Variants in SLC24A3 observed in about 807,000 individuals in gnomAD.
SLC24A3 encodes the protein sodium/potassium/calcium exchanger 3.
In SLC24A3, 28 loss-of-function variants were observed where a neutral mutation model predicts 75.8. That is an observed-to-expected ratio of 0.37 (90% CI 0.27 to 0.51). The LOEUF (loss-of-function observed/expected upper bound fraction) is 0.51, where lower values mean the gene tolerates loss of function less well. Ranked by LOEUF, SLC24A3 falls within the 20% of genes least tolerant of loss-of-function variation. SLC24A3 has a pLI of 0.94. For missense variants in SLC24A3, 663 were observed against 847.8 expected, an observed-to-expected ratio of 0.78 and a Z score of 2.71; for synonymous variants, 372 against 334.1, an observed-to-expected ratio of 1.11 and a Z score of -1.24.
In SLC24A3 at chr20:19,546,182, A is replaced by AAAAAAAAAAC. The variant is rs1283634511; in HGVS notation, c.348+30624_348+30625insAAACAAAAAA. ...TCAAAAAAAAAAAAAAAAAAAAAAA[A>AAAAAAAAAAC]AAAAAACCAGGTAATCGACCTGAGC... is the stretch of plus-strand genomic sequence containing the variant. On this transcript the variant is annotated intron_variant, in intron 3 of 16. Coordinates refer to ENST00000328041, the MANE Select transcript of SLC24A3 (RefSeq NM_020689.4). Among the ~76,000 whole-genome samples, 49 of 140,312 alleles carry AAAAAAAAAAC rather than the reference A, an allele frequency of 3.5e-4. 1 individual carries two copies. Among genetic ancestry groups the AAAAAAAAAAC allele is most frequent in the Non-Finnish European group, 6.0e-4 (38 of 62,914 alleles). The allele number at this position is 140,312 out of a possible 152,430, so 92.1% of individuals were successfully genotyped here. A position where few individuals can be genotyped will look rare whatever the true frequency, so the allele number is the denominator to read the frequency against.
chr20:19,701,662 G>A (rs540850678), intron 15 of SLC24A3, among the ~76,000 whole-genome samples: 12 of 152,262 alleles, frequency 7.9e-5, no homozygotes, highest in South Asian at 2.1e-4. Context: ...TGATGAACCC[G>A]TTGGCAGTCC....
At chr20:19,419,099 C>A (rs1038699798) in intron 2 of SLC24A3, among the ~76,000 whole-genome samples, 5 of 152,174 alleles carry the variant, frequency 3.3e-5, no homozygotes, top group Non-Finnish European at 7.4e-5. Flanking sequence ...GTTCAAGTAA[C>A]CAAACAGTTG....
At chr20:19,559,757 A>ATT (rs1224378712) in intron 3 of SLC24A3, among the ~76,000 whole-genome samples, 1 of 152,052 alleles carries the variant, frequency 6.6e-6, no homozygotes, top group Non-Finnish European at 1.5e-5. Context: ...ATTATGAGAA[A>ATT]TTTTGATGCT....
intron 2 of SLC24A3, among the ~76,000 whole-genome samples, chr20:19,490,238 C>T (rs1179031765): frequency 6.6e-6 from 1 of 152,212 alleles, no homozygotes; most frequent in African/African-American, 2.4e-5. Flanking sequence ...GGTAGCATCT[C>T]TCCAATACAC....
At chr20:19,232,271 A>G (rs1396166121) in intron 1 of SLC24A3, among the ~76,000 whole-genome samples, 2 of 152,224 alleles carry the variant, frequency 1.3e-5, no homozygotes, top group Non-Finnish European at 2.9e-5. Context: ...AACATGTGAC[A>G]TTCTATTTAT....
chr20:19,639,424 C>G (rs1233343876), intron 6 of SLC24A3, among the ~76,000 whole-genome samples: 1 of 152,218 alleles, frequency 6.6e-6, no homozygotes, highest in East Asian at 1.9e-4. Flanking sequence ...TTCACAAACC[C>G]TGAGCTAGAC....
chr20:19,260,519 G>A (rs1476357987), intron 1 of SLC24A3, among the ~76,000 whole-genome samples: 1 of 152,174 alleles, frequency 6.6e-6, no homozygotes, highest in African/African-American at 2.4e-5. Flanking sequence ...GAGCTGTGTT[G>A]TATTTAGAAA....
intron 3 of SLC24A3, among the ~76,000 whole-genome samples, chr20:19,554,425 T>C (rs969342520): frequency 6.6e-6 from 1 of 152,132 alleles, no homozygotes; most frequent in Non-Finnish European, 1.5e-5. Flanking sequence ...ACAGAGTTTG[T>C]GGAGAGAAGA....
intron 3 of SLC24A3, among the ~76,000 whole-genome samples, chr20:19,576,577 C>T (rs1285936237): frequency 6.6e-6 from 1 of 152,140 alleles, no homozygotes; most frequent in African/African-American, 2.4e-5. Context: ...ATCTGGTTAA[C>T]AGTGAGCATC....
chr20:19,226,595 T>C (rs535047072), intron 1 of SLC24A3, among the ~76,000 whole-genome samples: 1 of 152,224 alleles, frequency 6.6e-6, no homozygotes, highest in Non-Finnish European at 1.5e-5. Context: ...TTTTTCTTCA[T>C]GTTACAGCAT....
At chr20:19,428,361 C>G (rs1212711410) in intron 2 of SLC24A3, among the ~76,000 whole-genome samples, 2 of 152,210 alleles carry the variant, frequency 1.3e-5, no homozygotes, top group Non-Finnish European at 2.9e-5. Flanking sequence ...CGTGTTAATA[C>G]TGTGTGTTAA....
chr20:19,567,892 G>A (rs557823183), intron 3 of SLC24A3, among the ~76,000 whole-genome samples: 8 of 152,126 alleles, frequency 5.3e-5, no homozygotes, highest in South Asian at 2.1e-4. Flanking sequence ...ATCTGATAAG[G>A]GGTTAATATC....
At chr20:19,530,813 G>A (rs1338160437) in intron 3 of SLC24A3, among the ~76,000 whole-genome samples, 2 of 152,144 alleles carry the variant, frequency 1.3e-5, no homozygotes, top group African/African-American at 4.8e-5. Flanking sequence ...GCGAGCTTGA[G>A]CACTGGGGTC....
intron 10 of SLC24A3, among the ~76,000 whole-genome samples, chr20:19,682,525 C>T (rs1473234679): frequency 6.6e-6 from 1 of 152,128 alleles, no homozygotes; most frequent in African/African-American, 2.4e-5. Context: ...CACATTTGCT[C>T]GAGTGCTGCA....
chr20:19,656,346 C>G (rs2032264990), intron 7 of SLC24A3, among the ~76,000 whole-genome samples: 1 of 151,746 alleles, frequency 6.6e-6, no homozygotes, highest in East Asian at 1.9e-4. Flanking sequence ...GTCCCTTTAT[C>G]ATTGGGAGGG....
intron 2 of SLC24A3, among the ~76,000 whole-genome samples, chr20:19,363,068 C>T (rs1985821052): frequency 6.6e-6 from 1 of 152,192 alleles, no homozygotes; most frequent in Non-Finnish European, 1.5e-5. Flanking sequence ...AGGTGTTTTC[C>T]TGGCCTGTGA....
chr20:19,504,001 AG>A (rs1263223172), intron 2 of SLC24A3, among the ~76,000 whole-genome samples: 3 of 152,198 alleles, frequency 2.0e-5, no homozygotes, highest in Admixed American at 6.5e-5. Flanking sequence ...GCTTCAGTAT[AG>A]GGAAATAAGG....
chr20:19,324,953 C>T (rs1280435245), intron 2 of SLC24A3, among the ~76,000 whole-genome samples: 1 of 151,180 alleles, frequency 6.6e-6, no homozygotes, highest in Non-Finnish European at 1.5e-5. Flanking sequence ...TGGCAGTTGA[C>T]ATTCAAGAAC....
At chr20:19,345,599 C>A (rs1221991284) in intron 2 of SLC24A3, among the ~76,000 whole-genome samples, 1 of 152,028 alleles carries the variant, frequency 6.6e-6, no homozygotes. Context: ...AAGAAAAAAA[C>A]AAACAATCCC....
Sources: gnomAD v4.1 joint callset for allele counts (sites outside exome capture counted in the v4.1 genomes callset) on GRCh38, gnomAD v4.1.1 for gene constraint, MANE v1.5 for transcripts, NCBI Gene and HGNC (gene_info 2026-07-23, HGNC 2026-07-21) for gene names.